FGFR2: variants seen among roughly 807,000 people sequenced by gnomAD.
FGFR2 encodes fibroblast growth factor receptor 2.
Under a neutral mutation model 95.9 loss-of-function variants are expected in FGFR2, and 19 were observed. That is an observed-to-expected ratio of 0.20 (90% CI 0.14 to 0.29). FGFR2 has a LOEUF of 0.29. FGFR2 is among the 10% of genes least tolerant of loss of function. The pLI, the probability that FGFR2 is intolerant of heterozygous loss-of-function variation, is 1.00. For synonymous variants in FGFR2, 392 were observed against 393.3 expected (o/e 1.00, Z 0.04); for missense variants, 707 against 1,056.9 (o/e 0.67, Z 4.59).
At chr10:121,503,302 G>T (rs1386289980) in intron 10 of FGFR2, among the ~76,000 whole-genome samples, 1 of 152,166 alleles carries the variant, frequency 6.6e-6, no homozygotes, top group Non-Finnish European at 1.5e-5. Flanking sequence ...TTAGATGTCA[G>T]GTACCATATT....
chr10:121,545,682 C>T (rs962843422), intron 5 of FGFR2, among the ~76,000 whole-genome samples: 1 of 152,194 alleles, frequency 6.6e-6, no homozygotes, highest in African/African-American at 2.4e-5. Context: ...TCCCCCTAAA[C>T]ATACTTGTGG....
chr10:121,592,167 C>T (rs570901038), intron 2 of FGFR2, among the ~76,000 whole-genome samples: 1 of 152,140 alleles, frequency 6.6e-6, no homozygotes, highest in Non-Finnish European at 1.5e-5. Context: ...GAGCCACGCA[C>T]TCAAGGGAAA....
intron 1 of FGFR2, among the ~76,000 whole-genome samples, chr10:121,595,622 T>C (rs1299206303): frequency 2.0e-5 from 3 of 152,246 alleles, no homozygotes; most frequent in African/African-American, 7.2e-5. Flanking sequence ...TACATACATG[T>C]GGGAGGAAAG....
intron 17 of FGFR2, chr10:121,482,011 G>C (rs1384034975): frequency 3.8e-6 from 2 of 519,698 alleles, no homozygotes; most frequent in Non-Finnish European, 6.9e-6. Context: ...CTAATTTTTT[G>C]TATCTTTAGT....
intron 5 of FGFR2, among the ~76,000 whole-genome samples, chr10:121,549,642 C>T (rs1483717163): frequency 3.3e-5 from 5 of 152,116 alleles, no homozygotes; most frequent in African/African-American, 1.2e-4. Flanking sequence ...CTCTCTCTGG[C>T]TCCTCCTTTG....
rs1863173883 is a variant in FGFR2, at chr10:121,594,658, G to A, written c.-150-691C>T. ...TGAACACAACTGCAGCGCATTCAAC[G>A]CAGCTGATCCAAAAAGGACTTCGAA... On this transcript the variant is annotated intron_variant, in intron 1 of 17. Coordinates refer to ENST00000358487, the MANE Select transcript of FGFR2 (RefSeq NM_000141.5). Among the ~76,000 whole-genome samples, 3 of 152,182 alleles carry A rather than the reference G, an allele frequency of 2.0e-5. No individual in the cohort carries two copies. The South Asian group carries it at 6.2e-4, about 32-fold the overall frequency.
At chr10:121,501,039 G>A (rs1356862255) in intron 10 of FGFR2, 92 bp from the exon 11 acceptor site, 2 of 1,566,560 alleles carry the variant, frequency 1.3e-6, no homozygotes. Flanking sequence ...TCTTTCAGCG[G>A]CTTACTAAAG....
rs577983786 is a variant in FGFR2 at position 121,479,575 on chromosome 10, T to C, written c.*282A>G. ...AGGAAGGCAGAACGCACGTCCACCT[T>C]GAGTCCTACTGGTCCACAGCCAGTA... On this transcript the variant is annotated 3_prime_UTR_variant, in exon 18 of 18. Transcript: ENST00000358487. The C allele has an allele frequency of 2.2e-5, 34 of 1,545,224 alleles. No homozygotes were observed. The East Asian group carries it at 6.4e-4, about 29-fold the overall frequency.
At chr10:121,519,835 G>A in intron 7 of FGFR2, 144 bp downstream of exon 7, 2 of 733,598 alleles carry the variant, frequency 2.7e-6, no homozygotes, top group Non-Finnish European at 4.6e-6. Flanking sequence ...GTAATGATCT[G>A]TTAATTCCTT....
intron 9 of FGFR2, among the ~76,000 whole-genome samples, chr10:121,508,983 G>A (rs549222587): frequency 1.1e-3 from 168 of 152,328 alleles, no homozygotes; most frequent in African/African-American, 3.9e-3. Context: ...ATTCCCCTGT[G>A]GGACTCCATG....
intron 6 of FGFR2, among the ~76,000 whole-genome samples, chr10:121,520,872 T>C (rs2981445): frequency 0.91 from 138,979 of 152,136 alleles, 64,827 homozygotes; most frequent in East Asian, 1. Context: ...CAAACTCCTA[T>C]GCTCAAGCGA....
chr10:121,535,644 G>T (rs1228494470), intron 6 of FGFR2, among the ~76,000 whole-genome samples: 1 of 152,160 alleles, frequency 6.6e-6, no homozygotes, highest in South Asian at 2.1e-4. Context: ...CTTTAGGGGA[G>T]CCCATTTTAT....
chr10:121,559,585 CCAAA>C (rs1482279679), intron 4 of FGFR2, among the ~76,000 whole-genome samples: 1 of 152,222 alleles, frequency 6.6e-6, no homozygotes, highest in African/African-American at 2.4e-5. Flanking sequence ...TTCACAGACA[CCAAA>C]CAGAGGCACC....
chr10:121,539,712 A>G, intron 5 of FGFR2, among the ~76,000 whole-genome samples: 1 of 152,236 alleles, frequency 6.6e-6, no homozygotes, highest in Non-Finnish European at 1.5e-5. Context: ...AACCTTAGCT[A>G]TCATTTCAGG....
intron 2 of FGFR2, among the ~76,000 whole-genome samples, chr10:121,569,356 G>A (rs912355750): frequency 6.6e-6 from 1 of 152,000 alleles, no homozygotes; most frequent in Non-Finnish European, 1.5e-5. Flanking sequence ...AAGTAGTTGG[G>A]ATTACAGGCG....
Position 121,564,583 on chromosome 10 carries a change from T to C in FGFR2, c.377-4A>G. 1.2e-6 allele frequency: 2 copies of C among 1,613,756 alleles called. No individual in the cohort carries two copies. Among genetic ancestry groups the C allele is most frequent in the Non-Finnish European group, 1.7e-6 (2 of 1,179,842 alleles). On this transcript the variant is annotated splice_region_variant and splice_polypyrimidine_tract_variant and intron_variant, in intron 3 of 17. Coordinates refer to ENST00000358487, the MANE Select transcript of FGFR2 (RefSeq NM_000141.5). ...TCATCTCCGGATGAGATGGCATCTG[T>C]ATGCAAAAGAACATATTCCATGGAT...
intron 8 of FGFR2, among the ~76,000 whole-genome samples, chr10:121,515,567 T>C (rs1849608907): frequency 6.6e-6 from 1 of 152,084 alleles, no homozygotes; most frequent in Non-Finnish European, 1.5e-5. Context: ...TGACACCCAG[T>C]TGCACAGGGC....
rs1022674124 is a variant in FGFR2 at position 121,534,091 on chromosome 10, C to CTTTTTT, written c.748+4495_748+4500dup. Among the ~76,000 whole-genome samples, 100 of 92,096 alleles carry CTTTTTT rather than the reference C, an allele frequency of 1.1e-3. 1 individual carries two copies. The highest frequency in any genetic ancestry group is 0.011 in the Middle Eastern group (1 of 94). 60.4% of individuals were successfully genotyped at this position (92,096 alleles called of 152,430 possible). On this transcript the variant is annotated intron_variant, in intron 6 of 17. Transcript: ENST00000358487. ...GCCACGTCTGTAGGTCCCAAAATGGCTTTTTTTTTTTTTTTTTTTTTTTTT... is the reference window on the plus strand; with the variant it reads ...GCCACGTCTGTAGGTCCCAAAATGGCTTTTTTTTTTTTTTTTTTTTTTTTTTTTTTT...
chr10:121,520,117 G>A lies in FGFR2; in HGVS notation c.801C>T (p.Ser267=), dbSNP rs753345992. 2.5e-6 allele frequency: 4 copies of A among 1,614,134 alleles called. No individual in the cohort carries two copies. The highest frequency in any genetic ancestry group is 1.1e-5 in the South Asian group (1 of 91,088). ...ILQAGLPANA[S]TVVGGDVEFV... ...ACTCTACGTCTCCTCCGACCACTGTGGAGGCATTTGCCGGCAGTCCGGCTT... is the reference window on the plus strand; with the variant it reads ...ACTCTACGTCTCCTCCGACCACTGTAGAGGCATTTGCCGGCAGTCCGGCTT... The change falls in exon 7 of 18, where the codon TCC becomes TCT. Residue 267 remains serine (S), a synonymous_variant. Coordinates refer to ENST00000358487, the MANE Select transcript of FGFR2 (RefSeq NM_000141.5).
Sources: allele counts gnomAD v4.1 joint callset (sites outside exome capture counted in the v4.1 genomes callset), GRCh38; gene constraint gnomAD v4.1.1; transcripts MANE v1.5; gene names NCBI Gene and HGNC (gene_info 2026-07-23, HGNC 2026-07-21).